The following PHACTR3 variants were observed in gnomAD, a reference collection of about 807,000 sequenced individuals.
PHACTR3 encodes protein phosphatase 1, regulatory subunit 123.
In PHACTR3, 16 loss-of-function variants were observed where a neutral mutation model predicts 66.8. That is an observed-to-expected ratio of 0.24 (90% confidence interval 0.16 to 0.36). The LOEUF is 0.36. Ranked by LOEUF, PHACTR3 falls within the 10% of genes least tolerant of loss-of-function variation. The probability of loss-of-function intolerance (pLI) is 1.00; values close to 1 mark genes in which losing one functional copy is unlikely to be tolerated. For synonymous variants in PHACTR3, 323 were observed against 292.1 expected (o/e 1.11, Z -1.08); for missense variants, 647 against 719.9 (o/e 0.90, Z 1.16).
chr20:59,742,321 C>T (rs1360156086), intron 1 of PHACTR3, among the ~76,000 whole-genome samples: 1 of 152,198 alleles, frequency 6.6e-6, no homozygotes, highest in African/African-American at 2.4e-5. Flanking sequence ...GTATGTAGGT[C>T]GGTATGAGTC....
chr20:59,774,010 G>A (rs1472664034), intron 6 of PHACTR3, among the ~76,000 whole-genome samples: 2 of 152,192 alleles, frequency 1.3e-5, no homozygotes, highest in Non-Finnish European at 2.9e-5. Context: ...CATGTATTTT[G>A]GCAGGTTTTA....
At chr20:59,780,160 C>T (rs1249782669) in intron 7 of PHACTR3, among the ~76,000 whole-genome samples, 1 of 152,110 alleles carries the variant, frequency 6.6e-6, no homozygotes, top group Non-Finnish European at 1.5e-5. Context: ...TCTCCAGAGC[C>T]CCCCAGCTGC....
intron 1 of PHACTR3, among the ~76,000 whole-genome samples, chr20:59,590,230 G>A (rs2033146602): frequency 6.6e-6 from 1 of 152,242 alleles, no homozygotes; most frequent in African/African-American, 2.4e-5. Context: ...TGCAGTACAA[G>A]GAAGCCGCTG....
intron 1 of PHACTR3, among the ~76,000 whole-genome samples, chr20:59,730,925 AT>A (rs1453284289): frequency 6.6e-6 from 1 of 152,144 alleles, no homozygotes; most frequent in African/African-American, 2.4e-5. Context: ...ACATTTGCCA[AT>A]TCCTGACCTA....
chr20:59,599,574 C>T (rs188535312), upstream of PHACTR3, among the ~76,000 whole-genome samples: 12 of 152,268 alleles, frequency 7.9e-5, no homozygotes, highest in African/African-American at 2.9e-4. Context: ...GCTGCCTCCT[C>T]CCTCCCTGAT....
intron 1 of PHACTR3, among the ~76,000 whole-genome samples, chr20:59,686,737 G>GTGATGATGGTGA (rs796395907): frequency 1.3e-5 from 1 of 75,634 alleles, no homozygotes; most frequent in Non-Finnish European, 2.6e-5. Context: ...GATGATGGTG[G>GTGATGATGGTGA]TGATGATGGT....
At chr20:59,775,185 C>T (rs905223941) in intron 7 of PHACTR3, among the ~76,000 whole-genome samples, 4 of 152,048 alleles carry the variant, frequency 2.6e-5, no homozygotes, top group Admixed American at 2.6e-4. Context: ...AGGCTCAGGC[C>T]AGGAGGAGGA....
chr20:59,744,695 A>G (rs2039303753), intron 2 of PHACTR3, among the ~76,000 whole-genome samples: 1 of 152,198 alleles, frequency 6.6e-6, no homozygotes, highest in Non-Finnish European at 1.5e-5. Flanking sequence ...TTTACCAACC[A>G]AGAAGTTGAT....
intron 1 of PHACTR3, among the ~76,000 whole-genome samples, chr20:59,661,709 G>A (rs1460520789): frequency 1.3e-5 from 2 of 151,414 alleles, no homozygotes; most frequent in African/African-American, 4.9e-5. Context: ...GTGATTTTCT[G>A]CATGCATGTG....
intron 7 of PHACTR3, among the ~76,000 whole-genome samples, chr20:59,805,363 G>C (rs1424733825): frequency 1.3e-5 from 2 of 152,342 alleles, no homozygotes; most frequent in Non-Finnish European, 2.9e-5. Context: ...ACCCTGCTAG[G>C]ACATGGGCGG....
At chr20:59,658,737 A>G (rs138831038) in intron 1 of PHACTR3, among the ~76,000 whole-genome samples, 29 of 152,276 alleles carry the variant, frequency 1.9e-4, no homozygotes, top group African/African-American at 6.0e-4. Flanking sequence ...ATTTTTGACA[A>G]TGTCCAGGGC....
At chr20:59,737,421 CGG>C (rs1461363928) in intron 1 of PHACTR3, among the ~76,000 whole-genome samples, 1 of 152,158 alleles carries the variant, frequency 6.6e-6, no homozygotes, top group African/African-American at 2.4e-5. Context: ...AGCTTCAGCT[CGG>C]GGCATGGGCA....
At chr20:59,812,044 C>G (rs2041751132) in intron 8 of PHACTR3, among the ~76,000 whole-genome samples, 1 of 152,270 alleles carries the variant, frequency 6.6e-6, no homozygotes, top group Non-Finnish European at 1.5e-5. Context: ...AGGCCAGCAG[C>G]AGGCCTTGTG....
At position 59,682,516 on chromosome 20, in the gene PHACTR3, C is replaced by T. The variant is rs59593436; in HGVS notation, c.119-60591C>T. On this transcript the variant is annotated intron_variant, in intron 1 of 12. Transcript: ENST00000371015. ...GAGGACAATGAACGGCACCTATAAC[C>T]AGTAGGGGATCGTCCTGCATGTTAG... 2.2e-3 allele frequency among the ~76,000 whole-genome samples: 338 copies of T among 152,256 alleles called. 1 individual carries two copies. Among genetic ancestry groups the T allele is most frequent in the African/African-American group, 7.4e-3 (309 of 41,532 alleles).
rs2038934480 is a variant in PHACTR3, at chr20:59,736,065, T to A, written c.119-7042T>A. Among the ~76,000 whole-genome samples, 1 of 152,008 alleles carries A rather than the reference T, an allele frequency of 6.6e-6. No individual in the cohort carries two copies. ...GAGAGAGGCCTGGGAGAGGGCTGGCTGGAGTTGCCAAAGAGGCTGGAGCTT... is the reference window on the plus strand; with the variant it reads ...GAGAGAGGCCTGGGAGAGGGCTGGCAGGAGTTGCCAAAGAGGCTGGAGCTT... On this transcript the variant is annotated intron_variant, in intron 1 of 12. Transcript: ENST00000371015. This position sits in a 1 kb window ranked among gnomAD's most constrained non-coding sequence, Gnocchi z 4.6.
At chr20:59,776,165 A>C (rs1415767412) in intron 7 of PHACTR3, among the ~76,000 whole-genome samples, 1 of 152,208 alleles carries the variant, frequency 6.6e-6, no homozygotes, top group Non-Finnish European at 1.5e-5. Flanking sequence ...TGACAATGTC[A>C]GCAGCCAGGG....
chr20:59,733,076 T>C (rs1239629049), intron 1 of PHACTR3, among the ~76,000 whole-genome samples: 1 of 145,698 alleles, frequency 6.9e-6, no homozygotes, highest in Non-Finnish European at 1.5e-5. Flanking sequence ...TCACTCCTTT[T>C]TTTTTTTTTT....
chr20:59,799,628 A>G (rs1461315863), intron 7 of PHACTR3, among the ~76,000 whole-genome samples: 4 of 152,120 alleles, frequency 2.6e-5, no homozygotes, highest in Non-Finnish European at 5.9e-5. Context: ...AGAATGGTAC[A>G]TCTTTTTTAA....
intron 10 of PHACTR3, 86 bp from the exon 11 acceptor site, chr20:59,841,296 GTTTTGTTTTGTTT>G: frequency 8.0e-7 from 1 of 1,256,310 alleles, no homozygotes; most frequent in Non-Finnish European, 1.1e-6. Flanking sequence ...GGTTTTTTTT[GTTTTGTTTTGTTT>G]TTTAAGAGAA....
Sources: allele counts gnomAD v4.1 joint callset (sites outside exome capture counted in the v4.1 genomes callset), GRCh38; gene constraint gnomAD v4.1.1; non-coding constraint Gnocchi (gnomAD v3.1); transcripts MANE v1.5; gene names NCBI Gene and HGNC (gene_info 2026-07-23, HGNC 2026-07-21).